Variants in NFAT5 observed in about 807,000 individuals in gnomAD.
NFAT5 encodes the protein nuclear factor of activated T-cells 5.
A neutral mutation model predicts 166.5 loss-of-function variants in NFAT5; 31 were observed. The ratio of observed to expected loss-of-function variants is 0.19; its 90% CI spans 0.14 to 0.25. The LOEUF is 0.25. NFAT5 is among the 10% of genes least tolerant of loss of function. The pLI, the probability that NFAT5 is intolerant of heterozygous loss-of-function variation, is 1.00. For missense variants in NFAT5, 1,449 were observed against 1,821.8 expected, an observed-to-expected ratio of 0.80 and a Z score of 3.72; for synonymous variants, 612 against 639.7, an observed-to-expected ratio of 0.96 and a Z score of 0.65.
At chr16:69,661,812 C>T (rs2036158334) in intron 7 of NFAT5, among the ~76,000 whole-genome samples, 1 of 151,956 alleles carries the variant, frequency 6.6e-6, no homozygotes, top group Admixed American at 6.6e-5. Context: ...GTGCCTAACT[C>T]TGAAATTAAA....
At chr16:69,630,284 G>A (rs1259798097) in intron 3 of NFAT5, among the ~76,000 whole-genome samples, 14 of 152,008 alleles carry the variant, frequency 9.2e-5, no homozygotes. Context: ...CTCGAGGCTT[G>A]GCCTCCTAAA....
At position 69,660,797 on chromosome 16, in the gene NFAT5, CGT is replaced by C. The variant is rs1491359971; in HGVS notation, c.1369+899_1369+900del. ...TAAATAGGAAAAATTTTCCTTTTCA[CGT>C]CTCTCTCTCTCTTTTTTTTTTCTTT... On this transcript the variant is annotated intron_variant, in intron 7 of 14. Transcript: ENST00000349945. 3.6e-5 allele frequency among the ~76,000 whole-genome samples: 4 copies of C among 111,036 alleles called. No homozygotes were observed. In the East Asian group the frequency reaches 1.4e-3, roughly 40 times the overall value. 72.8% of individuals were successfully genotyped at this position (111,036 alleles called of 152,430 possible).
In NFAT5 at chr16:69,566,385, C is replaced by T. The variant is rs1435182627; in HGVS notation, c.73+11C>T. 1 of 1,042,868 alleles carries T rather than the reference C, an allele frequency of 9.6e-7. No homozygotes were observed. The highest frequency in any genetic ancestry group is 1.5e-6 in the Non-Finnish European group (1 of 687,796). 64.6% of individuals were successfully genotyped at this position (1,042,868 alleles called of 1,614,324 possible). A position where few individuals can be genotyped will look rare whatever the true frequency, so the allele number is the denominator to read the frequency against. On this transcript the variant is annotated intron_variant, in intron 1 of 14. Coordinates refer to ENST00000349945, the MANE Select transcript of NFAT5 (RefSeq NM_138713.4). The surrounding 1 kb of genome is among the most constrained non-coding windows in gnomAD (Gnocchi z 5.7). ...CCCTCTACTCGCGAGGTGAGTCAGGCTGTGGGGGGTGGGGCGTGGGGGCGG... is the reference window on the plus strand; with the variant it reads ...CCCTCTACTCGCGAGGTGAGTCAGGTTGTGGGGGGTGGGGCGTGGGGGCGG...
chr16:69,591,318 G>C (rs1177391547), intron 2 of NFAT5, among the ~76,000 whole-genome samples: 1 of 137,000 alleles, frequency 7.3e-6, no homozygotes, highest in Non-Finnish European at 1.6e-5. Flanking sequence ...TTCTTACTCC[G>C]AGGATGAAGA....
chr16:69,649,165 A>G (rs1200097101), intron 4 of NFAT5: 5 of 937,112 alleles, frequency 5.3e-6, no homozygotes, highest in Non-Finnish European at 5.1e-6. Context: ...TAATGAATAC[A>G]GCAGGTAAAT....
intron 3 of NFAT5, among the ~76,000 whole-genome samples, chr16:69,637,039 G>A (rs1449556634): frequency 6.6e-6 from 1 of 152,072 alleles, no homozygotes; most frequent in African/African-American, 2.4e-5. Context: ...GTCACCTAAT[G>A]AATACTTTGC....
At chr16:69,595,767 C>G (rs1324137027) in intron 2 of NFAT5, among the ~76,000 whole-genome samples, 4 of 152,136 alleles carry the variant, frequency 2.6e-5, no homozygotes, top group Non-Finnish European at 5.9e-5. Flanking sequence ...ATCCAAATTG[C>G]CAAATGTCAC....
chr16:69,651,309 G>C (rs1360052284), intron 4 of NFAT5, among the ~76,000 whole-genome samples: 1 of 152,172 alleles, frequency 6.6e-6, no homozygotes, highest in Non-Finnish European at 1.5e-5. Context: ...TCATCTATCA[G>C]TCTTACTGAA....
chr16:69,678,871 A>G (rs571783149), intron 10 of NFAT5, among the ~76,000 whole-genome samples: 2 of 152,236 alleles, frequency 1.3e-5, no homozygotes, highest in Non-Finnish European at 2.9e-5. Flanking sequence ...AGTAGCTAGG[A>G]CAGAATAACA....
intron 2 of NFAT5, among the ~76,000 whole-genome samples, chr16:69,588,980 C>CTTTTTTTTTTTTTTTTTTT (rs945918292): frequency 5.8e-5 from 2 of 34,368 alleles, no homozygotes; most frequent in African/African-American, 8.6e-5. Context: ...TTTCCTACTT[C>CTTTTTTTTTTTTTTTTTTT]TTTTTTTTTT....
At position 69,566,668 on chromosome 16, in the gene NFAT5, C is replaced by T. The variant is rs1272600338; in HGVS notation, c.73+294C>T. On this transcript the variant is annotated intron_variant, in intron 1 of 14. Transcript: ENST00000349945. The surrounding 1 kb of genome is among the most constrained non-coding windows in gnomAD (Gnocchi z 5.7). ...TTCTAGCCGCTCTCAGCCCGTCCGG[C>T]CCCGCCAGGCTCCGCGAGCCGCCGG... Among the ~76,000 whole-genome samples, 2 of 152,012 alleles carry T rather than the reference C, an allele frequency of 1.3e-5. No individual in the cohort carries two copies. Among genetic ancestry groups the T allele is most frequent in the African/African-American group, 4.8e-5 (2 of 41,440 alleles).
chr16:69,635,765 C>T (rs1172480056), intron 3 of NFAT5, among the ~76,000 whole-genome samples: 5 of 152,066 alleles, frequency 3.3e-5, no homozygotes, highest in Admixed American at 1.3e-4. Flanking sequence ...AAAGACCAGC[C>T]CCCATGATTC....
At chr16:69,600,950 T>C (rs2033100619) in intron 2 of NFAT5, among the ~76,000 whole-genome samples, 1 of 152,044 alleles carries the variant, frequency 6.6e-6, no homozygotes, top group Admixed American at 6.6e-5. Context: ...CAAAAAATAA[T>C]GGGGATGGGG....
At chr16:69,648,429 C>T in intron 4 of NFAT5, 2 of 982,448 alleles carry the variant, frequency 2.0e-6, no homozygotes, top group Non-Finnish European at 2.4e-6. Flanking sequence ...GATACTAATA[C>T]ATTGATTGTA....
Position 69,704,302 on chromosome 16 carries a change from A to T in NFAT5, c.*7951A>T, listed in dbSNP as rs2037946546. ...TTTTAAGTATAGTACCAATAATTTC[A>T]TTAACCTGTTCTCAAGTGGTTTAGC... On this transcript the variant is annotated 3_prime_UTR_variant, in exon 15 of 15. Coordinates refer to ENST00000349945, the MANE Select transcript of NFAT5 (RefSeq NM_138713.4). The T allele has an allele frequency of 6.6e-6, 1 of 152,626 alleles. No individual in the cohort carries two copies. The allele number at this position is 152,626 out of a possible 1,614,324, so 9.5% of individuals were successfully genotyped here.
intron 7 of NFAT5, among the ~76,000 whole-genome samples, chr16:69,664,019 T>A (rs8046314): frequency 0.26 from 39,307 of 152,092 alleles, 5,540 homozygotes; most frequent in East Asian, 0.45. Flanking sequence ...AATATGACTC[T>A]GAATTTAAGA....
intron 2 of NFAT5, among the ~76,000 whole-genome samples, chr16:69,601,129 A>AT (rs945664086): frequency 2.7e-4 from 41 of 151,432 alleles, no homozygotes; most frequent in Non-Finnish European, 1.3e-4. Context: ...GCACTTAAAC[A>AT]TTTTTTTTTA....
At chr16:69,568,364 G>GTGTGTC (rs1567505430) in intron 1 of NFAT5, 131 bp from the exon 2 acceptor site, 1 of 374,140 alleles carries the variant, frequency 2.7e-6, no homozygotes. Context: ...GTGTGTGTGT[G>GTGTGTC]TGTGTGTGTG....
chr16:69,690,272 G>A (rs532644246), intron 11 of NFAT5, among the ~76,000 whole-genome samples: 1 of 151,880 alleles, frequency 6.6e-6, no homozygotes, highest in African/African-American at 2.4e-5. Flanking sequence ...TTTTCATTTT[G>A]CTTGGGAAAT....
Sources: gnomAD v4.1 joint callset for allele counts (sites outside exome capture counted in the v4.1 genomes callset) on GRCh38, gnomAD v4.1.1 for gene constraint, Gnocchi (gnomAD v3.1) non-coding constraint, MANE v1.5 for transcripts, NCBI Gene and HGNC (gene_info 2026-07-23, HGNC 2026-07-21) for gene names.